Variants in ALDH2 observed in about 807,000 individuals in gnomAD.
ALDH2 encodes the protein aldehyde dehydrogenase, mitochondrial.
In ALDH2, 44 loss-of-function variants were observed where a neutral mutation model predicts 59.6. The observed-to-expected ratio is 0.74, with a 90% confidence interval of 0.58 to 0.95. The LOEUF (loss-of-function observed/expected upper bound fraction) is 0.95, where lower values mean the gene tolerates loss of function less well. Ranked by LOEUF, ALDH2 falls within the 40% of genes least tolerant of loss-of-function variation. The probability of loss-of-function intolerance (pLI) is 0.00; values close to 1 mark genes in which losing one functional copy is unlikely to be tolerated. For missense variants in ALDH2, 570 were observed against 696.3 expected, an observed-to-expected ratio of 0.82 and a Z score of 2.04; for synonymous variants, 291 against 284.0, an observed-to-expected ratio of 1.02 and a Z score of -0.25.
chr12:111,773,124 C>T (rs957557101), intron 1 of ALDH2, among the ~76,000 whole-genome samples: 5 of 151,988 alleles, frequency 3.3e-5, no homozygotes, highest in African/African-American at 1.2e-4. Flanking sequence ...GTGGCATGTA[C>T]CTGTAATCCC....
At chr12:111,803,751 T>A in intron 11 of ALDH2, 108 bp from the exon 12 acceptor site, 1 of 690,098 alleles carries the variant, frequency 1.4e-6, no homozygotes, top group Non-Finnish European at 2.1e-6. Flanking sequence ...AAAAAAATTT[T>A]TTTTTAAGTT....
intron 12 of ALDH2, among the ~76,000 whole-genome samples, chr12:111,806,500 G>A (rs944355888): frequency 6.6e-6 from 1 of 152,214 alleles, no homozygotes; most frequent in Non-Finnish European, 1.5e-5. Context: ...GGGCAAGCCT[G>A]CCAGCTGTGG....
chr12:111,791,937 T>A, intron 7 of ALDH2, 124 bp from the exon 8 acceptor site: 1 of 690,600 alleles, frequency 1.4e-6, no homozygotes, highest in Admixed American at 2.8e-5. Flanking sequence ...TTGGTGAAAT[T>A]CTCTAGGTCT....
chr12:111,783,804 C>A (rs2068291099), intron 3 of ALDH2, among the ~76,000 whole-genome samples: 1 of 152,166 alleles, frequency 6.6e-6, no homozygotes, highest in Non-Finnish European at 1.5e-5. Context: ...GCCACCGCAC[C>A]TGGCCTTTGA....
rs774642632 is a variant in ALDH2 at position 111,791,350 on chromosome 12, C to T, written c.726C>T (p.Gly242=). 1.2e-6 allele frequency: 2 copies of T among 1,614,094 alleles called. No individual in the cohort carries two copies. Among genetic ancestry groups the T allele is most frequent in the Non-Finnish European group, 1.7e-6 (2 of 1,179,988 alleles). ...PGVVNIVPGF[G]PTAGAAIASH... ...TGGTCAACATTGTGCCTGGATTTGG[C>T]CCCACGGCTGGGGCCGCCATTGCCT... The change falls in exon 7 of 13, where the codon GGC becomes GGT. Residue 242 remains glycine (G), a synonymous_variant. Transcript: ENST00000261733.
chr12:111,773,113 G>A (rs2068213046), intron 1 of ALDH2, among the ~76,000 whole-genome samples: 1 of 151,908 alleles, frequency 6.6e-6, no homozygotes, highest in South Asian at 2.1e-4. Context: ...TGGCCGGTGT[G>A]GTGGCATGTA....
In ALDH2 at chr12:111,792,556, C is replaced by A. The variant is rs773842458; in HGVS notation, c.899-42C>A. ...GGCGGCCACCAGGGCCAGGGTCCTCCTCCTCACTGTCACCTTTCTGTCTCC... is the reference window on the plus strand; with the variant it reads ...GGCGGCCACCAGGGCCAGGGTCCTCATCCTCACTGTCACCTTTCTGTCTCC... On this transcript the variant is annotated intron_variant, in intron 8 of 12. Coordinates refer to ENST00000261733, the MANE Select transcript of ALDH2 (RefSeq NM_000690.4). The A allele has an allele frequency of 3.9e-5, 62 of 1,589,966 alleles. 1 individual carries two copies. In the South Asian group the frequency reaches 6.6e-4, roughly 17 times the overall value.
chr12:111,792,121 C>A lies in ALDH2; in HGVS notation c.856C>A (p.Leu286Met). The A allele has an allele frequency of 6.2e-7, 1 of 1,607,722 alleles. No homozygotes were observed. Among genetic ancestry groups the A allele is most frequent in the Admixed American group, 1.7e-5 (1 of 57,340 alleles). The change falls in exon 8 of 13, where the codon CTG becomes ATG. Residue 286 changes from leucine to methionine, a missense_variant. Transcript: ENST00000261733. ...SSNLKRVTLE[L>M]GGKSPNIIMS... ...CAACCTCAAGAGAGTGACCTTGGAGCTGGGGGGGAAGAGCCCCAACATCAT... is the reference window on the plus strand; with the variant it reads ...CAACCTCAAGAGAGTGACCTTGGAGATGGGGGGGAAGAGCCCCAACATCAT...
chr12:111,769,145 G>A (rs1053657076), intron 1 of ALDH2, among the ~76,000 whole-genome samples: 2 of 152,212 alleles, frequency 1.3e-5, no homozygotes, highest in Non-Finnish European at 2.9e-5. Context: ...CTCTGTGGGT[G>A]TAGGCTGGAG....
intron 9 of ALDH2, among the ~76,000 whole-genome samples, chr12:111,796,577 T>C (rs941291555): frequency 1.2e-4 from 19 of 152,262 alleles, no homozygotes; most frequent in African/African-American, 4.3e-4. Flanking sequence ...TAACCACTCA[T>C]GCACACACAG....
intron 12 of ALDH2, among the ~76,000 whole-genome samples, chr12:111,805,988 A>G (rs2068490452): frequency 7.4e-6 from 1 of 134,778 alleles, no homozygotes; most frequent in Non-Finnish European, 1.6e-5. Flanking sequence ...GCACCACTGC[A>G]CTCCAGCCTG....
chr12:111,780,431 C>T (rs1241264247), intron 1 of ALDH2, among the ~76,000 whole-genome samples: 1 of 152,150 alleles, frequency 6.6e-6, no homozygotes, highest in Non-Finnish European at 1.5e-5. Flanking sequence ...ACTCTGGCCA[C>T]CTTTGCTTTT....
intron 1 of ALDH2, 119 bp from the exon 2 acceptor site, chr12:111,781,799 T>G (rs966567666): frequency 5.5e-6 from 4 of 725,902 alleles, no homozygotes; most frequent in East Asian, 5.6e-5. Flanking sequence ...ATTTGTAGGC[T>G]ACACCACTCT....
rs1298355048 is a variant in ALDH2 at position 111,816,702 on chromosome 12, A to G, written c.*7127A>G. On this transcript the variant is annotated 3_prime_UTR_variant, in exon 13 of 13. Transcript: ENST00000261733. ...TCCAATTTTACAGACTATGAACAGA[A>G]GACAGAGACAAAACAACATTATTCC... 1 of 152,238 alleles carries G rather than the reference A, an allele frequency of 6.6e-6. No homozygotes were observed. Among genetic ancestry groups the G allele is most frequent in the Non-Finnish European group, 1.5e-5 (1 of 68,044 alleles). The allele number at this position is 152,238 out of a possible 1,614,324, so 9.4% of individuals were successfully genotyped here. A position where few individuals can be genotyped will look rare whatever the true frequency, so the allele number is the denominator to read the frequency against.
intron 1 of ALDH2, 52 bp downstream of exon 1, chr12:111,767,148 A>G: frequency 3.6e-6 from 5 of 1,389,252 alleles, no homozygotes; most frequent in Non-Finnish European, 4.7e-6. Flanking sequence ...AGTCCCCCGC[A>G]GGCCCCTAGG....
chr12:111,793,669 C>T (rs536238974), intron 9 of ALDH2, among the ~76,000 whole-genome samples: 1 of 151,830 alleles, frequency 6.6e-6, no homozygotes, highest in African/African-American at 2.4e-5. Context: ...GATCTCGACT[C>T]ATGCCTCCCG....
chr12:111,801,464 C>T (rs1174111417), intron 11 of ALDH2, among the ~76,000 whole-genome samples: 4 of 152,064 alleles, frequency 2.6e-5, no homozygotes, highest in African/African-American at 7.2e-5. Context: ...TTTGGGAAGC[C>T]GAGGTGGGTA....
chr12:111,794,445 C>G (rs1163149707), intron 9 of ALDH2, among the ~76,000 whole-genome samples: 2 of 152,166 alleles, frequency 1.3e-5, no homozygotes, highest in Non-Finnish European at 2.9e-5. Context: ...AGTGGGGAGC[C>G]ACAGCCATGT....
intron 9 of ALDH2, among the ~76,000 whole-genome samples, chr12:111,796,058 C>A (rs904855826): frequency 6.7e-6 from 1 of 150,280 alleles, no homozygotes; most frequent in African/African-American, 2.5e-5. Flanking sequence ...CCCAGGATTT[C>A]GAGATCAGCC....
Sources: gnomAD v4.1 joint callset for allele counts (sites outside exome capture counted in the v4.1 genomes callset) on GRCh38, gnomAD v4.1.1 for gene constraint, MANE v1.5 for transcripts, NCBI Gene and HGNC (gene_info 2026-07-23, HGNC 2026-07-21) for gene names.